The following ANKRD44 variants were observed in gnomAD, a reference collection of about 807,000 sequenced individuals.
ANKRD44 encodes the protein ankyrin repeat domain 44.
Under a neutral mutation model 116.0 loss-of-function variants are expected in ANKRD44, and 35 were observed. That is an observed-to-expected ratio of 0.30 (90% CI 0.23 to 0.40). ANKRD44 has a LOEUF of 0.40. Ranked by LOEUF, ANKRD44 falls within the 10% of genes least tolerant of loss-of-function variation. The probability of loss-of-function intolerance (pLI) is 1.00; values close to 1 mark genes in which losing one functional copy is unlikely to be tolerated. For synonymous variants in ANKRD44, 435 were observed against 461.8 expected, an observed-to-expected ratio of 0.94 and a Z score of 0.74; for missense variants, 1,014 against 1,242.6, an observed-to-expected ratio of 0.82 and a Z score of 2.77.
At chr2:197,187,655 T>A (rs2080714489) in intron 1 of ANKRD44, among the ~76,000 whole-genome samples, 1 of 151,310 alleles carries the variant, frequency 6.6e-6, no homozygotes, top group Non-Finnish European at 1.5e-5. Context: ...TCTCTCTCTC[T>A]CTCTCTCTCT....
chr2:197,273,030 G>A (rs2082943827), intron 1 of ANKRD44, among the ~76,000 whole-genome samples: 1 of 152,152 alleles, frequency 6.6e-6, no homozygotes, highest in African/African-American at 2.4e-5. Flanking sequence ...CATTAACTTA[G>A]ATTTTGCTAT....
At position 197,025,296 on chromosome 2, in the gene ANKRD44, C is replaced by T. The variant is rs762143854; in HGVS notation, c.1651-29G>A. 52 of 1,586,014 alleles carry T rather than the reference C, an allele frequency of 3.3e-5. 1 individual carries two copies. Among genetic ancestry groups the T allele is most frequent in the South Asian group, 1.3e-4 (12 of 89,438 alleles). On this transcript the variant is annotated intron_variant, in intron 16 of 27. Transcript: ENST00000282272. The stretch of plus-strand genomic sequence containing the variant: ...TGGAGACAAAAAGCAAACAATAGTA[C>T]GTGAGTCCAAATTTTGCAAAATGTT...
At chr2:197,031,850 G>A (rs78131072) in intron 16 of ANKRD44, among the ~76,000 whole-genome samples, 1 of 151,998 alleles carries the variant, frequency 6.6e-6, no homozygotes, top group Non-Finnish European at 1.5e-5. Context: ...GAGAGTAAAT[G>A]TAATTTTAAC....
intron 8 of ANKRD44, among the ~76,000 whole-genome samples, chr2:197,113,743 G>A: frequency 6.6e-6 from 1 of 152,224 alleles, no homozygotes; most frequent in African/African-American, 2.4e-5. Flanking sequence ...AAAGGGACAA[G>A]TAAATGGAGA....
chr2:197,097,667 T>C (rs2078192812), intron 10 of ANKRD44, among the ~76,000 whole-genome samples: 2 of 152,224 alleles, frequency 1.3e-5, no homozygotes, highest in South Asian at 4.1e-4. Context: ...TCCCTGGACA[T>C]TTGCAAGAGG....
intron 21 of ANKRD44, among the ~76,000 whole-genome samples, chr2:196,972,975 T>C (rs2075725904): frequency 6.6e-6 from 1 of 152,188 alleles, no homozygotes; most frequent in African/African-American, 2.4e-5. Flanking sequence ...ATTGGCAGTG[T>C]TTTTCTTCCT....
chr2:197,095,016 C>G (rs1371405769), intron 10 of ANKRD44, among the ~76,000 whole-genome samples: 1 of 152,186 alleles, frequency 6.6e-6, no homozygotes, highest in African/African-American at 2.4e-5. Flanking sequence ...TTGCACATAC[C>G]AGTCCCTCCA....
intron 16 of ANKRD44, among the ~76,000 whole-genome samples, chr2:197,037,146 G>A (rs529489738): frequency 4.6e-5 from 7 of 152,282 alleles, no homozygotes; most frequent in Admixed American, 2.6e-4. Flanking sequence ...TCATATGAGC[G>A]GAGGTAGTGA....
chr2:197,233,001 T>C (rs1228924871), intron 1 of ANKRD44, among the ~76,000 whole-genome samples: 2 of 152,230 alleles, frequency 1.3e-5, no homozygotes, highest in Non-Finnish European at 2.9e-5. Flanking sequence ...TTTCAATGAT[T>C]TGAGGCTTTA....
intron 2 of ANKRD44, among the ~76,000 whole-genome samples, chr2:197,178,993 C>A (rs1285291768): frequency 6.6e-6 from 1 of 151,944 alleles, no homozygotes; most frequent in East Asian, 1.9e-4. Flanking sequence ...ATCACTTGAG[C>A]CCAGGAGTTT....
At chr2:197,310,544 G>T in intron 1 of ANKRD44, 34 bp downstream of exon 1, 1 of 1,108,536 alleles carries the variant, frequency 9.0e-7, no homozygotes, top group Middle Eastern at 2.9e-4. Context: ...CCCCGCGCCC[G>T]CGCGTCCCGC....
chr2:197,145,163 C>T (rs536201950), intron 3 of ANKRD44, among the ~76,000 whole-genome samples: 36 of 152,174 alleles, frequency 2.4e-4, no homozygotes, highest in African/African-American at 8.4e-4. Flanking sequence ...TGGTGGCACG[C>T]GCCTGTGGTC....
At chr2:196,990,894 T>G in intron 27 of ANKRD44, 1 of 1,232,440 alleles carries the variant, frequency 8.1e-7, no homozygotes, top group African/African-American at 1.6e-5. Flanking sequence ...AGCCACGTCT[T>G]TGTTAGGAGC....
At chr2:197,309,333 A>C (rs2105936785) in intron 1 of ANKRD44, among the ~76,000 whole-genome samples, 1 of 152,340 alleles carries the variant, frequency 6.6e-6, no homozygotes, top group African/African-American at 2.4e-5. Context: ...TCTTCTTACT[A>C]AATTTAACAA....
intron 7 of ANKRD44, 84 bp downstream of exon 7, chr2:197,122,566 A>G (rs2078880251): frequency 2.0e-6 from 3 of 1,492,502 alleles, no homozygotes; most frequent in African/African-American, 1.4e-5. Context: ...CCCTTGAATT[A>G]AAGTGCAAAC....
At chr2:197,103,766 A>T (rs1278730542) in intron 9 of ANKRD44, among the ~76,000 whole-genome samples, 1 of 151,912 alleles carries the variant, frequency 6.6e-6, no homozygotes, top group Non-Finnish European at 1.5e-5. Context: ...GAAGTCATCT[A>T]TAAATTCACT....
chr2:197,218,471 T>C (rs2081501437), intron 1 of ANKRD44, among the ~76,000 whole-genome samples: 1 of 152,130 alleles, frequency 6.6e-6, no homozygotes, highest in African/African-American at 2.4e-5. Flanking sequence ...TTTACCTGGG[T>C]TTTCCCAGCT....
chr2:196,995,559 T>C (rs1011141557), intron 25 of ANKRD44, 98 bp from the exon 26 acceptor site: 10 of 931,622 alleles, frequency 1.1e-5, no homozygotes, highest in Non-Finnish European at 1.5e-5. Flanking sequence ...ATGAATGTCG[T>C]CTGCCTAAGA....
rs138775768 is a variant in ANKRD44 at position 197,191,346 on chromosome 2, A to G, written c.28-4240T>C. Among the ~76,000 whole-genome samples the G allele has an allele frequency of 3.6e-4, 55 of 152,296 alleles. No homozygotes were observed. The East Asian group carries it at 3.7e-3, about 10-fold the overall frequency. ...GCCTTCTAGAGGTGAATGTCTGCCA[A>G]GCTGATGACACTTGACCCCTCTAAG... On this transcript the variant is annotated intron_variant, in intron 1 of 27. Coordinates refer to ENST00000282272, the MANE Select transcript of ANKRD44 (RefSeq NM_001195144.2).
Sources: allele counts gnomAD v4.1 joint callset (sites outside exome capture counted in the v4.1 genomes callset), GRCh38; gene constraint gnomAD v4.1.1; transcripts MANE v1.5; gene names NCBI Gene and HGNC (gene_info 2026-07-23, HGNC 2026-07-21).